The following PPP2R2C variants were observed in gnomAD, a reference collection of about 807,000 sequenced individuals.
The protein encoded by PPP2R2C is protein phosphatase 2, regulatory subunit B, gamma.
PPP2R2C carries 10 observed loss-of-function variants against 45.3 expected under a neutral mutation model. The observed-to-expected ratio is 0.22, with a 90% CI of 0.14 to 0.37. The LOEUF (loss-of-function observed/expected upper bound fraction) is 0.37, where lower values mean the gene tolerates loss of function less well. PPP2R2C is among the 10% of genes least tolerant of loss of function. The probability of loss-of-function intolerance (pLI) is 1.00; values close to 1 mark genes in which losing one functional copy is unlikely to be tolerated. For missense variants in PPP2R2C, 308 were observed against 619.7 expected (o/e 0.50, Z 5.34); for synonymous variants, 257 against 245.4 (o/e 1.05, Z -0.44).
intron 1 of PPP2R2C, chr4:6,384,708 GGC>G (rs1424180423): frequency 4.1e-6 from 4 of 985,312 alleles, no homozygotes; most frequent in Non-Finnish European, 4.8e-6. Flanking sequence ...AATGTCTGTG[GGC>G]AATTTACAAT....
chr4:6,341,443 A>G (rs1437466794), intron 6 of PPP2R2C, among the ~76,000 whole-genome samples: 2 of 151,966 alleles, frequency 1.3e-5, no homozygotes, highest in African/African-American at 2.4e-5. Flanking sequence ...GGTTGAAGGC[A>G]TGAGACTCTC....
At position 6,331,865 on chromosome 4, in the gene PPP2R2C, C is replaced by T. The variant is rs902117551; in HGVS notation, c.960+1697G>A. Among the ~76,000 whole-genome samples, 9 of 152,162 alleles carry T rather than the reference C, an allele frequency of 5.9e-5. No homozygotes were observed. The highest frequency in any genetic ancestry group is 3.9e-4 in the East Asian group (2 of 5,190). On this transcript the variant is annotated intron_variant, in intron 7 of 8. Coordinates refer to ENST00000382599, the MANE Select transcript of PPP2R2C (RefSeq NM_020416.4). The surrounding 1 kb of genome is among the most constrained non-coding windows in gnomAD (Gnocchi z 5.9). Reference sequence around the variant, plus strand: ...AAAATAGCCCCGATTTGTTAAGCACCGCACACCAGCCGAACGCAGTCCTGC... The same window carrying T: ...AAAATAGCCCCGATTTGTTAAGCACTGCACACCAGCCGAACGCAGTCCTGC...
At chr4:6,413,668 C>A (rs1280149232) in intron 1 of PPP2R2C, among the ~76,000 whole-genome samples, 1 of 152,228 alleles carries the variant, frequency 6.6e-6, no homozygotes, top group Admixed American at 6.5e-5. Context: ...CTGTTCCATT[C>A]ATGATGAGGG....
intron 1 of PPP2R2C, among the ~76,000 whole-genome samples, chr4:6,543,105 G>A (rs1724859661): frequency 6.6e-6 from 1 of 152,232 alleles, no homozygotes; most frequent in Non-Finnish European, 1.5e-5. Context: ...GGAGACACCT[G>A]CAGGGTGGAT....
At chr4:6,401,402 C>T (rs554638353) in intron 1 of PPP2R2C, among the ~76,000 whole-genome samples, 11 of 152,136 alleles carry the variant, frequency 7.2e-5, no homozygotes, top group Admixed American at 1.3e-4. Flanking sequence ...ACTGTACATG[C>T]TTGCACAATA....
chr4:6,519,254 T>C (rs77001216), intron 2 of PPP2R2C, among the ~76,000 whole-genome samples: 2,210 of 152,252 alleles, frequency 0.015, 34 homozygotes, highest in African/African-American at 0.044. Context: ...AGGGCTTGCC[T>C]AGTGCTGGAG....
At chr4:6,518,818 G>A (rs954310921) in intron 2 of PPP2R2C, among the ~76,000 whole-genome samples, 3 of 149,418 alleles carry the variant, frequency 2.0e-5, no homozygotes, top group Non-Finnish European at 4.4e-5. Flanking sequence ...AACTACCCAA[G>A]AGGCTGAGGC....
Position 6,328,268 on chromosome 4 carries a change from G to T in PPP2R2C, c.1052+994C>A, listed in dbSNP as rs1369205473. Among the ~76,000 whole-genome samples the T allele has an allele frequency of 6.6e-6, 1 of 152,176 alleles. No individual in the cohort carries two copies. The highest frequency in any genetic ancestry group is 1.9e-4 in the East Asian group (1 of 5,186). On this transcript the variant is annotated intron_variant, in intron 8 of 8. Transcript: ENST00000382599. This position sits in a 1 kb window ranked among gnomAD's most constrained non-coding sequence, Gnocchi z 4.4. Reference sequence around the variant, plus strand: ...ATGGGCTCCTGACAGGTGGTATTCTGATCTAGCAGCCAGTGTAGTCTTTAT... The same window carrying T: ...ATGGGCTCCTGACAGGTGGTATTCTTATCTAGCAGCCAGTGTAGTCTTTAT...
chr4:6,459,794 C>CAA (rs887735654), intron 1 of PPP2R2C, among the ~76,000 whole-genome samples: 1 of 151,436 alleles, frequency 6.6e-6, no homozygotes, highest in Non-Finnish European at 1.5e-5. Flanking sequence ...CACACACACA[C>CAA]AAAAAAACAG....
At chr4:6,456,459 T>C (rs929405240) in intron 1 of PPP2R2C, among the ~76,000 whole-genome samples, 7 of 152,206 alleles carry the variant, frequency 4.6e-5, no homozygotes, top group Non-Finnish European at 7.3e-5. Flanking sequence ...CACATTATCA[T>C]GATGGATTAT....
At chr4:6,426,095 A>AGGCAGC (rs1413143006) in intron 1 of PPP2R2C, among the ~76,000 whole-genome samples, 1 of 152,198 alleles carries the variant, frequency 6.6e-6, no homozygotes, top group Non-Finnish European at 1.5e-5. Flanking sequence ...GGCACCTGCA[A>AGGCAGC]GGCAGCGGCT....
chr4:6,439,025 G>A (rs749690671), intron 1 of PPP2R2C, among the ~76,000 whole-genome samples: 3 of 152,196 alleles, frequency 2.0e-5, no homozygotes, highest in Non-Finnish European at 4.4e-5. Flanking sequence ...CAGTGCCAGA[G>A]ATGTGGAAGA....
rs1225845220 is a variant in PPP2R2C at position 6,378,654 on chromosome 4, G to T, written c.169-82C>A. The stretch of plus-strand genomic sequence containing the variant: ...GGACCTCCGGGGACCCAGCAGGGCC[G>T]GCCGTGGGACCAAGTGCCGAGCCGT... On this transcript the variant is annotated intron_variant, in intron 2 of 8. Transcript: ENST00000382599. The surrounding 1 kb of genome is among the most constrained non-coding windows in gnomAD (Gnocchi z 5.2). The T allele has an allele frequency of 1.4e-6, 2 of 1,455,992 alleles. No homozygotes were observed. The highest frequency in any genetic ancestry group is 1.9e-6 in the Non-Finnish European group (2 of 1,074,722). 90.2% of individuals were successfully genotyped at this position (1,455,992 alleles called of 1,614,324 possible).
intron 1 of PPP2R2C, among the ~76,000 whole-genome samples, chr4:6,548,237 G>A (rs1384868704): frequency 8.6e-5 from 13 of 151,784 alleles, no homozygotes; most frequent in Admixed American, 8.5e-4. Flanking sequence ...AGAAGAAGAA[G>A]AAGAAGAAGA....
chr4:6,512,650 C>CTTA (rs1723700607), intron 2 of PPP2R2C, among the ~76,000 whole-genome samples: 4 of 12,994 alleles, frequency 3.1e-4, no homozygotes, highest in Admixed American at 2.5e-3. Context: ...GGTGATGGTG[C>CTTA]TGATGGTGGT....
At chr4:6,416,909 T>C (rs368987895) in intron 1 of PPP2R2C, among the ~76,000 whole-genome samples, 41 of 152,236 alleles carry the variant, frequency 2.7e-4, no homozygotes, top group African/African-American at 8.7e-4. Context: ...CGCTGGAGTA[T>C]TGGGGAGGGA....
intron 2 of PPP2R2C, among the ~76,000 whole-genome samples, chr4:6,486,714 T>C (rs955436010): frequency 4.6e-5 from 7 of 152,092 alleles, no homozygotes; most frequent in Non-Finnish European, 1.0e-4. Context: ...TCTTTTTCAT[T>C]GTTTTACTTT....
At chr4:6,530,652 G>A (rs867478249) in intron 2 of PPP2R2C, among the ~76,000 whole-genome samples, 14 of 152,326 alleles carry the variant, frequency 9.2e-5, no homozygotes, top group African/African-American at 3.4e-4. Context: ...AACAGGCTGT[G>A]TTTTTGGGAA....
intron 1 of PPP2R2C, chr4:6,382,471 G>A: frequency 1.5e-6 from 2 of 1,352,038 alleles, no homozygotes; most frequent in Non-Finnish European, 2.0e-6. Flanking sequence ...CTGAGCCAGT[G>A]CATCCCTGTG....
Sources: gnomAD v4.1 joint callset for allele counts (sites outside exome capture counted in the v4.1 genomes callset) on GRCh38, gnomAD v4.1.1 for gene constraint, Gnocchi (gnomAD v3.1) non-coding constraint, MANE v1.5 for transcripts, NCBI Gene and HGNC (gene_info 2026-07-23, HGNC 2026-07-21) for gene names.